Variants in ADGRL3 observed in about 807,000 individuals in gnomAD.
ADGRL3 encodes the protein calcium-independent alpha-latrotoxin receptor 3.
In ADGRL3, 62 loss-of-function variants were observed where a neutral mutation model predicts 153.5. The ratio of observed to expected loss-of-function variants is 0.40; its 90% CI spans 0.33 to 0.50. ADGRL3 has a LOEUF of 0.50. ADGRL3 is among the 20% of genes least tolerant of loss of function. The pLI is 0.47. For missense variants in ADGRL3, 1,641 were observed against 1,859.4 expected, an observed-to-expected ratio of 0.88 and a Z score of 2.16; for synonymous variants, 710 against 672.5, an observed-to-expected ratio of 1.06 and a Z score of -0.86.
intron 24 of ADGRL3, 56 bp downstream of exon 24, chr4:62,037,912 C>T: frequency 6.3e-7 from 1 of 1,595,522 alleles, no homozygotes; most frequent in African/African-American, 1.3e-5. Flanking sequence ...CAGTTACTGT[C>T]CCTTATGATT....
intron 1 of ADGRL3, among the ~76,000 whole-genome samples, chr4:61,296,439 G>A (rs2094415728): frequency 1.4e-5 from 2 of 145,884 alleles, no homozygotes; most frequent in East Asian, 4.0e-4. Flanking sequence ...AGCCTTTGAT[G>A]CCCTGGTGTG....
At chr4:61,956,979 A>C (rs2098969545) in intron 17 of ADGRL3, among the ~76,000 whole-genome samples, 1 of 152,154 alleles carries the variant, frequency 6.6e-6, no homozygotes, top group African/African-American at 2.4e-5. Flanking sequence ...TGATGCTTCC[A>C]GCTTCATTCT....
intron 1 of ADGRL3, among the ~76,000 whole-genome samples, chr4:61,333,577 A>T (rs1310286990): frequency 3.3e-5 from 5 of 151,874 alleles, no homozygotes; most frequent in Non-Finnish European, 5.9e-5. Context: ...ATAAAATTTC[A>T]TTTGCACTTT....
intron 21 of ADGRL3, among the ~76,000 whole-genome samples, chr4:62,028,615 A>G (rs114502824): frequency 0.012 from 1,776 of 151,966 alleles, 20 homozygotes; most frequent in Non-Finnish European, 0.019. Context: ...CATGATAAAA[A>G]AATGGAATTT....
chr4:61,257,094 A>G (rs1183474937), intron 1 of ADGRL3, among the ~76,000 whole-genome samples: 1 of 152,168 alleles, frequency 6.6e-6, no homozygotes, highest in African/African-American at 2.4e-5. Context: ...AATCTTGCCC[A>G]TAGTTCTTAG....
Position 61,517,468 on chromosome 4 carries a change from C to T in ADGRL3, c.209C>T (p.Thr70Ile), listed in dbSNP as rs1356571544. Residue 70 changes from threonine to isoleucine, a missense_variant, in exon 4 of 27, where the codon ACC becomes ATC. This residue lies in a region of ADGRL3 where 145 missense variants were observed against 79.1 expected (regional missense o/e 1.83). Transcript: ENST00000683033. ...CGTGGACAAGGGCCCCGTGGAGCTACCAGAGGAGTTCGCGGTCCAGGTGCC... is the reference window on the plus strand; with the variant it reads ...CGTGGACAAGGGCCCCGTGGAGCTATCAGAGGAGTTCGCGGTCCAGGTGCC... ...AHRGQGPRGA[T>I]RGVRGPGAQG... The T allele has an allele frequency of 3.9e-6, 3 of 773,328 alleles. No homozygotes were observed. Among genetic ancestry groups the T allele is most frequent in the Non-Finnish European group, 6.7e-6 (3 of 449,646 alleles). The allele number at this position is 773,328 out of a possible 1,614,324, so 47.9% of individuals were successfully genotyped here.
intron 4 of ADGRL3, among the ~76,000 whole-genome samples, chr4:61,575,707 G>A (rs556958381): frequency 1.3e-5 from 2 of 151,930 alleles, no homozygotes; most frequent in Admixed American, 1.3e-4. Flanking sequence ...TTATCAGTCA[G>A]GAATGTCAGA....
chr4:61,370,118 C>T (rs1185960487), intron 1 of ADGRL3, among the ~76,000 whole-genome samples: 1 of 152,096 alleles, frequency 6.6e-6, no homozygotes, highest in Non-Finnish European at 1.5e-5. Context: ...ATTCTTCTCT[C>T]TTTTTTTCTT....
At position 62,078,052 on chromosome 4, in the gene ADGRL3, A is replaced by C. The variant is rs558519668; in HGVS notation, c.*7144A>C. 1 of 152,160 alleles carries C rather than the reference A, an allele frequency of 6.6e-6. No homozygotes were observed. The highest frequency in any genetic ancestry group is 1.5e-5 in the Non-Finnish European group (1 of 67,904). The allele number at this position is 152,160 out of a possible 1,614,324, so 9.4% of individuals were successfully genotyped here. Reference sequence around the variant, plus strand: ...CTAATTCAAAATATGTCTTTCTAAAAAACAATAGTTTATTTTTAAAACTAA... The same window carrying C: ...CTAATTCAAAATATGTCTTTCTAAACAACAATAGTTTATTTTTAAAACTAA... On this transcript the variant is annotated 3_prime_UTR_variant, in exon 27 of 27. Transcript: ENST00000683033.
At chr4:61,939,172 A>T (rs1449976384) in intron 15 of ADGRL3, among the ~76,000 whole-genome samples, 1 of 152,208 alleles carries the variant, frequency 6.6e-6, no homozygotes, top group Non-Finnish European at 1.5e-5. Flanking sequence ...ACCTTAAAAT[A>T]ACATGACAGT....
At chr4:61,744,343 G>T (rs116334045) in intron 8 of ADGRL3, among the ~76,000 whole-genome samples, 3 of 152,094 alleles carry the variant, frequency 2.0e-5, no homozygotes, top group African/African-American at 7.2e-5. Flanking sequence ...CCCTGTTTAA[G>T]AGCTTTGAAG....
At chr4:61,500,116 A>G (rs1219058949) in intron 3 of ADGRL3, among the ~76,000 whole-genome samples, 1 of 152,050 alleles carries the variant, frequency 6.6e-6, no homozygotes, top group Non-Finnish European at 1.5e-5. Context: ...GTATAATAAT[A>G]GGACACATAA....
chr4:61,732,782 A>T lies in ADGRL3; in HGVS notation c.627A>T (p.Gly209=). The change falls in exon 8 of 27, where the codon GGA becomes GGT. Residue 209 remains glycine (G), a synonymous_variant. Transcript: ENST00000683033. ...KVFLCPGLLK[G]VYQSEHLFES... ...TTCTTTGTCCTGGACTACTAAAAGG[A>T]GTATACCAGAGTGAACATTTGTTTG... 1.3e-6 allele frequency: 2 copies of T among 1,583,028 alleles called. No homozygotes were observed. Among genetic ancestry groups the T allele is most frequent in the Non-Finnish European group, 8.6e-7 (1 of 1,164,210 alleles).
intron 21 of ADGRL3, among the ~76,000 whole-genome samples, chr4:62,001,975 G>A (rs910270293): frequency 6.6e-6 from 1 of 151,890 alleles, no homozygotes; most frequent in Non-Finnish European, 1.5e-5. Context: ...GATTATACAC[G>A]TTCTTTCACA....
chr4:61,444,653 A>G (rs2097562350), intron 2 of ADGRL3, among the ~76,000 whole-genome samples: 1 of 151,914 alleles, frequency 6.6e-6, no homozygotes. Context: ...TTTTTTTATT[A>G]GGCTGAAATG....
chr4:61,926,860 C>A (rs142317130), intron 13 of ADGRL3, among the ~76,000 whole-genome samples: 1 of 152,258 alleles, frequency 6.6e-6, no homozygotes, highest in Non-Finnish European at 1.5e-5. Context: ...TGCCACTGAA[C>A]CCCTTATACT....
At chr4:61,783,743 C>A (rs1275781955) in intron 8 of ADGRL3, among the ~76,000 whole-genome samples, 1 of 151,954 alleles carries the variant, frequency 6.6e-6, no homozygotes, top group African/African-American at 2.4e-5. Flanking sequence ...AACAAAATTT[C>A]TTATTTTTGT....
Position 62,031,565 on chromosome 4 carries a change from A to C in ADGRL3, c.3546A>C (p.Leu1182=). 6.2e-7 allele frequency: 1 copy of C among 1,609,880 alleles called. No homozygotes were observed. Among genetic ancestry groups the C allele is most frequent in the Non-Finnish European group, 8.5e-7 (1 of 1,176,962 alleles). Residue 1182 remains leucine, a synonymous_variant, in exon 23 of 27, where the codon CTA becomes CTC. Coordinates refer to ENST00000683033, the MANE Select transcript of ADGRL3 (RefSeq NM_001387552.1). ...MAYLFTIFNS[L]QGMFIFIFHC... is the part of the protein sequence containing the mutation. Reference sequence around the variant, plus strand: ...ATCTCTTCACCATTTTCAATTCTCTACAGGGAATGTTTATATTTATTTTCC... The same window carrying C: ...ATCTCTTCACCATTTTCAATTCTCTCCAGGGAATGTTTATATTTATTTTCC...
Position 61,813,166 on chromosome 4 carries a change from G to A in ADGRL3, c.1400-643G>A, listed in dbSNP as rs1409190703. On this transcript the variant is annotated intron_variant, in intron 8 of 26. Transcript: ENST00000683033. ...TCCCAGCACTTTGGGAGGCCAAGGC[G>A]AGTGGATCACGAGGTCAGGAGTTCA... 3.3e-5 allele frequency among the ~76,000 whole-genome samples: 5 copies of A among 152,080 alleles called. No homozygotes were observed. In the East Asian group the frequency reaches 7.7e-4, roughly 24 times the overall value.
Sources: gnomAD v4.1 joint callset for allele counts (sites outside exome capture counted in the v4.1 genomes callset) on GRCh38, gnomAD v4.1.1 for gene constraint, gnomAD v4.1.1 regional missense constraint, MANE v1.5 for transcripts, NCBI Gene and HGNC (gene_info 2026-07-23, HGNC 2026-07-21) for gene names.